Variants in ZNF704 observed in about 807,000 individuals in gnomAD.
ZNF704 encodes glucocorticoid induced gene 1.
In ZNF704, 10 loss-of-function variants were observed where a neutral mutation model predicts 44.7. The ratio of observed to expected loss-of-function variants is 0.22; its 90% CI spans 0.14 to 0.38. The LOEUF (loss-of-function observed/expected upper bound fraction) is 0.38, where lower values mean the gene tolerates loss of function less well. Ranked by LOEUF, ZNF704 falls within the 10% of genes least tolerant of loss-of-function variation. ZNF704 has a pLI of 1.00. For missense variants in ZNF704, 390 were observed against 545.5 expected (o/e 0.71, Z 2.84); for synonymous variants, 211 against 207.6 (o/e 1.02, Z -0.14).
intron 1 of ZNF704, among the ~76,000 whole-genome samples, chr8:80,867,855 A>C (rs2130064280): frequency 6.6e-6 from 1 of 152,344 alleles, no homozygotes; most frequent in Non-Finnish European, 1.5e-5. Context: ...GGAAGTGGGA[A>C]CTTTAACATA....
chr8:80,857,347 T>A (rs1317556221), intron 1 of ZNF704, among the ~76,000 whole-genome samples: 1 of 152,198 alleles, frequency 6.6e-6, no homozygotes, highest in African/African-American at 2.4e-5. Context: ...AATGTGAGGT[T>A]AATTATAGGA....
chr8:80,671,855 G>C (rs1351560172), intron 4 of ZNF704, among the ~76,000 whole-genome samples: 1 of 152,156 alleles, frequency 6.6e-6, no homozygotes, highest in East Asian at 1.9e-4. Context: ...GTCACCCCCA[G>C]TCTGCTCTGC....
At chr8:80,797,027 A>G (rs1319802659) in intron 2 of ZNF704, among the ~76,000 whole-genome samples, 1 of 151,732 alleles carries the variant, frequency 6.6e-6, no homozygotes, top group Non-Finnish European at 1.5e-5. Context: ...AAAGGAGGGA[A>G]TAGCCCAAAA....
rs373118489 is a variant in ZNF704 at position 80,644,519 on chromosome 8, A to T, written c.1033-1390T>A. Among the ~76,000 whole-genome samples, 5 of 152,344 alleles carry T rather than the reference A, an allele frequency of 3.3e-5. No homozygotes were observed. In the East Asian group the frequency reaches 9.6e-4, roughly 29 times the overall value. On this transcript the variant is annotated intron_variant, in intron 7 of 8. Coordinates refer to ENST00000327835, the MANE Select transcript of ZNF704 (RefSeq NM_001033723.3). ...TTTAACATGAACAGATTTCTTGAAT[A>T]AAATGGAAAGTTTCCAGTACACTGA...
chr8:80,772,490 A>G (rs1807337567), intron 2 of ZNF704, among the ~76,000 whole-genome samples: 1 of 152,162 alleles, frequency 6.6e-6, no homozygotes, highest in African/African-American at 2.4e-5. Flanking sequence ...GGCACATCTT[A>G]CATGGCCGAA....
intron 2 of ZNF704, among the ~76,000 whole-genome samples, chr8:80,721,085 A>C (rs1394331458): frequency 1.3e-5 from 2 of 152,154 alleles, no homozygotes; most frequent in African/African-American, 4.8e-5. Context: ...ACCCTCTTCT[A>C]GCCTATAGGA....
intron 1 of ZNF704, among the ~76,000 whole-genome samples, chr8:80,827,071 C>T (rs1415490043): frequency 6.6e-6 from 1 of 152,086 alleles, no homozygotes; most frequent in Non-Finnish European, 1.5e-5. Context: ...GAAGTTCTGG[C>T]CAGGGCAATC....
the ZNF704 span, among the ~76,000 whole-genome samples, chr8:80,881,091 A>G: frequency 6.6e-6 from 1 of 152,166 alleles, no homozygotes. Context: ...TTTCTTTTTT[A>G]TGTAACACAT....
chr8:80,736,146 G>C (rs1341450053), intron 2 of ZNF704, among the ~76,000 whole-genome samples: 1 of 152,176 alleles, frequency 6.6e-6, no homozygotes, highest in African/African-American at 2.4e-5. Flanking sequence ...TATTTCAATG[G>C]ACAGTTTTTG....
intron 2 of ZNF704, among the ~76,000 whole-genome samples, chr8:80,769,204 T>A (rs916422964): frequency 6.6e-6 from 1 of 152,200 alleles, no homozygotes; most frequent in African/African-American, 2.4e-5. Context: ...GACTTATTGA[T>A]GAAACTCCTG....
intron 7 of ZNF704, among the ~76,000 whole-genome samples, chr8:80,657,458 T>G (rs1235562739): frequency 6.6e-6 from 1 of 152,080 alleles, no homozygotes; most frequent in Non-Finnish European, 1.5e-5. Flanking sequence ...TTTGGGAGGC[T>G]GAGGTGGGCA....
intron 2 of ZNF704, among the ~76,000 whole-genome samples, chr8:80,732,464 TG>T (rs1806597342): frequency 6.6e-6 from 1 of 152,236 alleles, no homozygotes; most frequent in African/African-American, 2.4e-5. Flanking sequence ...TTTGCTTGCT[TG>T]GATTTCTAGT....
At chr8:80,652,200 C>A (rs1249647937) in intron 7 of ZNF704, among the ~76,000 whole-genome samples, 2 of 152,034 alleles carry the variant, frequency 1.3e-5, no homozygotes, top group African/African-American at 4.8e-5. Flanking sequence ...CACTAAATGC[C>A]CACAAGAGAA....
chr8:80,799,459 G>A (rs1402051964), intron 2 of ZNF704, among the ~76,000 whole-genome samples: 2 of 152,130 alleles, frequency 1.3e-5, no homozygotes, highest in Non-Finnish European at 2.9e-5. Context: ...TTAAGAGTTT[G>A]ACTGATACAA....
chr8:80,709,957 T>A (rs1437629175), intron 2 of ZNF704, among the ~76,000 whole-genome samples: 1 of 152,220 alleles, frequency 6.6e-6, no homozygotes, highest in African/African-American at 2.4e-5. Flanking sequence ...TATGTAGTTT[T>A]GTCCCTAGGA....
chr8:80,868,706 G>A (rs1049597868), intron 1 of ZNF704, among the ~76,000 whole-genome samples: 4 of 152,048 alleles, frequency 2.6e-5, no homozygotes, highest in African/African-American at 4.8e-5. Context: ...ATATTACTGC[G>A]GAACCCAAAC....
the ZNF704 span, among the ~76,000 whole-genome samples, chr8:80,880,099 A>T: frequency 2.6e-5 from 4 of 152,048 alleles, no homozygotes; most frequent in Non-Finnish European, 5.9e-5. Context: ...TCTCTCTCTC[A>T]GAGTGTGTGT....
chr8:80,785,225 T>C (rs138597732), intron 2 of ZNF704, among the ~76,000 whole-genome samples: 11 of 152,294 alleles, frequency 7.2e-5, no homozygotes, highest in African/African-American at 2.2e-4. Flanking sequence ...TACACCTCAA[T>C]TGGGATTGGT....
intron 1 of ZNF704, among the ~76,000 whole-genome samples, chr8:80,833,358 A>G (rs1251391501): frequency 1.3e-5 from 2 of 152,210 alleles, no homozygotes; most frequent in Non-Finnish European, 2.9e-5. Flanking sequence ...CAAAAAAAAG[A>G]GAAAAAAATT....
Sources: gnomAD v4.1 joint callset for allele counts (sites outside exome capture counted in the v4.1 genomes callset) on GRCh38, gnomAD v4.1.1 for gene constraint, MANE v1.5 for transcripts, NCBI Gene and HGNC (gene_info 2026-07-23, HGNC 2026-07-21) for gene names.